The following LHPP variants were observed in gnomAD, a reference collection of about 807,000 sequenced individuals.
LHPP encodes hLHPP.
Under a neutral mutation model 30.3 loss-of-function variants are expected in LHPP, and 24 were observed. The ratio of observed to expected loss-of-function variants is 0.79; its 90% confidence interval spans 0.57 to 1.11. The LOEUF (loss-of-function observed/expected upper bound fraction) is 1.11, where lower values mean the gene tolerates loss of function less well. Ranked by LOEUF, LHPP falls within the 50% of genes most tolerant of loss-of-function variation. The pLI, the probability that LHPP is intolerant of heterozygous loss-of-function variation, is 0.00. For missense variants in LHPP, 356 were observed against 367.2 expected (o/e 0.97, Z 0.25); for synonymous variants, 150 against 157.1 (o/e 0.95, Z 0.34).
chr10:124,605,877 A>G (rs1274061280), intron 6 of LHPP, among the ~76,000 whole-genome samples: 1 of 152,002 alleles, frequency 6.6e-6, no homozygotes, highest in East Asian at 1.9e-4. Flanking sequence ...AACAGGCTTC[A>G]GCAGAAGACC....
chr10:124,515,258 T>C (rs532893587), intron 5 of LHPP, among the ~76,000 whole-genome samples: 165 of 152,364 alleles, frequency 1.1e-3, no homozygotes, highest in African/African-American at 3.8e-3. Flanking sequence ...CATTCATCTT[T>C]TCCTCTGCGG....
intron 6 of LHPP, among the ~76,000 whole-genome samples, chr10:124,542,111 A>T (rs1454402558): frequency 2.0e-5 from 3 of 151,712 alleles, no homozygotes; most frequent in African/African-American, 7.3e-5. Flanking sequence ...TGACCTTCCC[A>T]CTGTGCCTGG....
At chr10:124,528,432 C>T (rs879774529) in intron 6 of LHPP, among the ~76,000 whole-genome samples, 2 of 152,062 alleles carry the variant, frequency 1.3e-5, no homozygotes, top group Non-Finnish European at 2.9e-5. Flanking sequence ...GATCTTGGCT[C>T]ATTGCAACCT....
At chr10:124,514,939 C>A (rs1954407881) in intron 5 of LHPP, among the ~76,000 whole-genome samples, 1 of 151,834 alleles carries the variant, frequency 6.6e-6, no homozygotes, top group African/African-American at 2.4e-5. Context: ...GTAGCTGGGA[C>A]TACAGGCGTG....
intron 6 of LHPP, among the ~76,000 whole-genome samples, chr10:124,559,996 G>A (rs1013569704): frequency 6.6e-6 from 1 of 152,226 alleles, no homozygotes; most frequent in Non-Finnish European, 1.5e-5. Flanking sequence ...GAGCTGGGAG[G>A]AGGCATCATT....
At position 124,557,317 on chromosome 10, in the gene LHPP, C is replaced by T. The variant is rs112797873; in HGVS notation, c.716+40046C>T. On this transcript the variant is annotated intron_variant, in intron 6 of 6. Transcript: ENST00000368842. Reference sequence around the variant, plus strand: ...AGCTGATAGAGAAGGCCCACGCGAACGGGCAGAGCTGGGCCTCGCCAGGGC... The same window carrying T: ...AGCTGATAGAGAAGGCCCACGCGAATGGGCAGAGCTGGGCCTCGCCAGGGC... 6.0e-4 allele frequency among the ~76,000 whole-genome samples: 91 copies of T among 152,338 alleles called. 1 individual carries two copies. The highest frequency in any genetic ancestry group is 2.0e-3 in the African/African-American group (83 of 41,586).
chr10:124,601,626 G>T (rs1305405479), intron 6 of LHPP, among the ~76,000 whole-genome samples: 1 of 152,368 alleles, frequency 6.6e-6, no homozygotes, highest in Non-Finnish European at 1.5e-5. Context: ...TGAGAACCGC[G>T]CAGGAAATAG....
intron 6 of LHPP, among the ~76,000 whole-genome samples, chr10:124,565,155 C>T (rs931613326): frequency 6.6e-6 from 1 of 152,114 alleles, no homozygotes; most frequent in African/African-American, 2.4e-5. Context: ...GGGCTTCACT[C>T]GCCGAAGCTC....
intron 1 of LHPP, among the ~76,000 whole-genome samples, chr10:124,464,654 A>G (rs764848159): frequency 5.3e-5 from 8 of 152,194 alleles, no homozygotes; most frequent in Non-Finnish European, 8.8e-5. Flanking sequence ...TGTGAGTGGC[A>G]CTGGTGGGAA....
chr10:124,535,976 G>T (rs1246025728), intron 6 of LHPP, among the ~76,000 whole-genome samples: 1 of 152,236 alleles, frequency 6.6e-6, no homozygotes, highest in East Asian at 1.9e-4. Context: ...ATCTCTTCCG[G>T]GGTCCCAGGC....
chr10:124,604,281 G>T (rs562503066), intron 6 of LHPP, among the ~76,000 whole-genome samples: 1 of 152,124 alleles, frequency 6.6e-6, no homozygotes, highest in African/African-American at 2.4e-5. Flanking sequence ...ACCGACCCTC[G>T]GGCACCTGCC....
chr10:124,518,153 G>A (rs1954509007), intron 6 of LHPP, among the ~76,000 whole-genome samples: 1 of 152,220 alleles, frequency 6.6e-6, no homozygotes, highest in African/African-American at 2.4e-5. Context: ...AGGTGAGTGA[G>A]GAAGGCTCAG....
At chr10:124,528,610 C>T (rs1186738513) in intron 6 of LHPP, among the ~76,000 whole-genome samples, 4 of 152,118 alleles carry the variant, frequency 2.6e-5, no homozygotes, top group Non-Finnish European at 5.9e-5. Flanking sequence ...CTGCCCACCT[C>T]AGCCTCCTAA....
At chr10:124,530,566 G>A (rs1367316188) in intron 6 of LHPP, among the ~76,000 whole-genome samples, 12 of 151,224 alleles carry the variant, frequency 7.9e-5, no homozygotes, top group African/African-American at 2.4e-4. Flanking sequence ...ATACACTCAC[G>A]CCCAGACCCC....
intron 6 of LHPP, among the ~76,000 whole-genome samples, chr10:124,567,815 C>G (rs187391764): frequency 5.3e-5 from 8 of 152,254 alleles, no homozygotes; most frequent in African/African-American, 1.9e-4. Flanking sequence ...CATGCACACA[C>G]TGTACCCACG....
intron 6 of LHPP, among the ~76,000 whole-genome samples, chr10:124,563,040 C>A (rs1420873832): frequency 1.3e-5 from 2 of 151,808 alleles, no homozygotes; most frequent in African/African-American, 2.4e-5. Flanking sequence ...TAAAATGATA[C>A]AAATGCTCTG....
At chr10:124,532,401 A>G (rs1299547856) in intron 6 of LHPP, among the ~76,000 whole-genome samples, 11 of 152,094 alleles carry the variant, frequency 7.2e-5, no homozygotes, top group Admixed American at 6.6e-4. Flanking sequence ...TGCTTACCCT[A>G]CCCACCTGGA....
intron 6 of LHPP, among the ~76,000 whole-genome samples, chr10:124,568,664 C>G (rs942155619): frequency 1.3e-5 from 2 of 152,192 alleles, no homozygotes; most frequent in African/African-American, 2.4e-5. Flanking sequence ...TCCTGTGGTG[C>G]AATGGGCGTG....
chr10:124,558,430 C>T (rs1056677415), intron 6 of LHPP, among the ~76,000 whole-genome samples: 2 of 152,252 alleles, frequency 1.3e-5, no homozygotes, highest in Admixed American at 1.3e-4. Context: ...AAGGTCCCAC[C>T]GGCAAGGGGC....
Sources: allele counts gnomAD v4.1 joint callset (sites outside exome capture counted in the v4.1 genomes callset), GRCh38; gene constraint gnomAD v4.1.1; transcripts MANE v1.5; gene names NCBI Gene and HGNC (gene_info 2026-07-23, HGNC 2026-07-21).